The following SPATS1 variants were observed in gnomAD, a reference collection of about 807,000 sequenced individuals.
The protein encoded by SPATS1 is spermatogenesis associated serine rich 1, also known as spermatogenesis-associated serine-rich protein 1.
A neutral mutation model predicts 33.6 loss-of-function variants in SPATS1; 23 were observed. The observed-to-expected ratio is 0.68, with a 90% CI of 0.49 to 0.97. SPATS1 has a LOEUF of 0.97. Among genes scored for constraint, SPATS1 ranks in the 50% least tolerant of loss-of-function variants. SPATS1 has a pLI of 0.00. For synonymous variants in SPATS1, 131 were observed against 125.6 expected (o/e 1.04, Z -0.29); for missense variants, 327 against 361.0 (o/e 0.91, Z 0.76).
intron 2 of SPATS1, among the ~76,000 whole-genome samples, chr6:44,344,166 G>A (rs1787731855): frequency 6.6e-6 from 1 of 152,186 alleles, no homozygotes; most frequent in Non-Finnish European, 1.5e-5. Flanking sequence ...CCAGTTTGGG[G>A]TAAAGGAAGA....
chr6:44,345,537 A>T (rs979798759), intron 2 of SPATS1, among the ~76,000 whole-genome samples: 5 of 152,192 alleles, frequency 3.3e-5, no homozygotes, highest in African/African-American at 1.2e-4. Flanking sequence ...GAGCCAACCA[A>T]TTCTTGCTTG....
chr6:44,370,529 A>G (rs1789540612), intron 7 of SPATS1, among the ~76,000 whole-genome samples: 1 of 152,202 alleles, frequency 6.6e-6, no homozygotes, highest in Non-Finnish European at 1.5e-5. Flanking sequence ...TTTGAGGGAA[A>G]TATCATTCCT....
At chr6:44,349,777 A>C (rs977495561) in intron 2 of SPATS1, among the ~76,000 whole-genome samples, 1 of 152,234 alleles carries the variant, frequency 6.6e-6, no homozygotes, top group African/African-American at 2.4e-5. Flanking sequence ...TAAGCAACTC[A>C]TGATTTCCAT....
intron 8 of SPATS1, among the ~76,000 whole-genome samples, 158 bp from the exon 9 acceptor site, chr6:44,376,877 A>G (rs995695189): frequency 2.0e-5 from 3 of 152,228 alleles, no homozygotes; most frequent in Non-Finnish European, 2.9e-5. Flanking sequence ...AGTGGAAAGG[A>G]GGGCAGGCAA....
intron 3 of SPATS1, among the ~76,000 whole-genome samples, chr6:44,358,236 G>A (rs761083089): frequency 2.5e-4 from 38 of 152,140 alleles, no homozygotes; most frequent in Non-Finnish European, 1.9e-4. Flanking sequence ...TATGAGTGAC[G>A]CATTGTTATG....
At chr6:44,375,879 G>A (rs1789909645) in intron 7 of SPATS1, among the ~76,000 whole-genome samples, 2 of 152,058 alleles carry the variant, frequency 1.3e-5, no homozygotes, top group South Asian at 4.1e-4. Flanking sequence ...GCCGAGGCAG[G>A]TGGATCACCT....
intron 5 of SPATS1, among the ~76,000 whole-genome samples, chr6:44,365,182 C>CA (rs1449048005): frequency 1.3e-5 from 2 of 152,296 alleles, no homozygotes; most frequent in African/African-American, 4.8e-5. Context: ...ATTATTATAT[C>CA]AAAAAATCAA....
intron 8 of SPATS1, 89 bp from the exon 9 acceptor site, chr6:44,376,946 T>G: frequency 6.7e-7 from 1 of 1,493,110 alleles, no homozygotes; most frequent in Non-Finnish European, 9.3e-7. Flanking sequence ...GCAGATGTCA[T>G]AGCCAAGCAT....
intron 1 of SPATS1, 142 bp from the exon 2 acceptor site, chr6:44,342,954 A>G (rs883193): frequency 0.24 from 294,654 of 1,243,244 alleles, 36,282 homozygotes; most frequent in South Asian, 0.34. Context: ...TGGAGGGAGT[A>G]AGGCTCCCGT....
At chr6:44,360,705 C>A in intron 4 of SPATS1, 135 bp downstream of exon 4, 1 of 1,104,788 alleles carries the variant, frequency 9.1e-7, no homozygotes, top group Non-Finnish European at 1.3e-6. Context: ...TTCACAAAAC[C>A]TCTGCCAGGA....
chr6:44,348,792 GCTAAGAGA>G (rs1458980826), intron 2 of SPATS1, among the ~76,000 whole-genome samples: 7 of 152,098 alleles, frequency 4.6e-5, no homozygotes, highest in East Asian at 1.9e-4. Context: ...GACCAGCCTG[GCTAAGAGA>G]CCAGCCTGGC....
chr6:44,376,616 A>G, intron 8 of SPATS1, 143 bp downstream of exon 8: 2 of 576,604 alleles, frequency 3.5e-6, no homozygotes, highest in Non-Finnish European at 6.1e-6. Flanking sequence ...CCTGACCAAC[A>G]TGGTGAAACC....
At chr6:44,344,036 G>C (rs1787724207) in intron 2 of SPATS1, among the ~76,000 whole-genome samples, 1 of 152,134 alleles carries the variant, frequency 6.6e-6, no homozygotes, top group African/African-American at 2.4e-5. Context: ...TATAAGCTAG[G>C]ACCGTAGAGA....
chr6:44,349,953 G>A (rs1170560764), intron 2 of SPATS1, among the ~76,000 whole-genome samples: 1 of 152,080 alleles, frequency 6.6e-6, no homozygotes, highest in Non-Finnish European at 1.5e-5. Context: ...TTGGTATATG[G>A]GTGGTTCTTC....
intron 2 of SPATS1, among the ~76,000 whole-genome samples, chr6:44,351,254 A>T (rs1430075534): frequency 6.6e-6 from 1 of 152,178 alleles, no homozygotes; most frequent in Non-Finnish European, 1.5e-5. Context: ...TAATCTAGAG[A>T]TGATTTACAG....
intron 7 of SPATS1, among the ~76,000 whole-genome samples, chr6:44,374,787 C>T (rs1014430230): frequency 2.4e-4 from 36 of 152,152 alleles, no homozygotes; most frequent in Admixed American, 2.2e-3. Context: ...TAGTTCTTTA[C>T]GCTAGTATCT....
chr6:44,378,524 C>A lies in SPATS1; in HGVS notation c.*1461C>A, dbSNP rs184370308. 1 of 152,340 alleles carries A rather than the reference C, an allele frequency of 6.6e-6. No individual in the cohort carries two copies. The highest frequency in any genetic ancestry group is 1.5e-5 in the Non-Finnish European group (1 of 68,094). 9.4% of individuals were successfully genotyped at this position (152,340 alleles called of 1,614,324 possible). On this transcript the variant is annotated 3_prime_UTR_variant, in exon 9 of 9. Coordinates refer to ENST00000674044, the MANE Select transcript of SPATS1 (RefSeq NM_001372081.1). ...TGGTGGCTCATGCCTGTAATCCCAG[C>A]ACTTTTGGAGGCCGAGGCAGGCGAA... is the stretch of plus-strand genomic sequence containing the variant.
At chr6:44,369,800 A>G (rs1789488314) in intron 6 of SPATS1, among the ~76,000 whole-genome samples, 1 of 152,052 alleles carries the variant, frequency 6.6e-6, no homozygotes, top group African/African-American at 2.4e-5. Flanking sequence ...TGAGCCTGAA[A>G]GGTCGAGGCT....
At chr6:44,369,531 C>CA (rs1392721992) in intron 6 of SPATS1, among the ~76,000 whole-genome samples, 1 of 151,050 alleles carries the variant, frequency 6.6e-6, no homozygotes, top group African/African-American at 2.4e-5. Context: ...GCCTGGGCGA[C>CA]AGAGTTAAGA....
Sources: gnomAD v4.1 joint callset for allele counts (sites outside exome capture counted in the v4.1 genomes callset) on GRCh38, gnomAD v4.1.1 for gene constraint, MANE v1.5 for transcripts, NCBI Gene and HGNC (gene_info 2026-07-23, HGNC 2026-07-21) for gene names.